Variants in TEC observed in about 807,000 individuals in gnomAD.
TEC encodes tec protein tyrosine kinase.
Under a neutral mutation model 93.0 loss-of-function variants are expected in TEC, and 72 were observed. That is an observed-to-expected ratio of 0.77 (90% CI 0.64 to 0.94). The LOEUF (loss-of-function observed/expected upper bound fraction) is 0.94. Among genes scored for constraint, TEC ranks in the 40% least tolerant of loss-of-function variants. The pLI is 0.00. For missense variants in TEC, 630 were observed against 757.9 expected, an observed-to-expected ratio of 0.83 and a Z score of 1.98; for synonymous variants, 249 against 247.7, an observed-to-expected ratio of 1.01 and a Z score of -0.05.
chr4:48,156,769 G>T, intron 8 of TEC, 35 bp from the exon 9 acceptor site: 1 of 1,534,736 alleles, frequency 6.5e-7, no homozygotes, highest in Non-Finnish European at 8.8e-7. Flanking sequence ...CAGGCCTCAG[G>T]TTTTTAGGAT....
chr4:48,179,143 A>G (rs1721451276), intron 2 of TEC, among the ~76,000 whole-genome samples: 2 of 151,850 alleles, frequency 1.3e-5, no homozygotes, highest in South Asian at 4.2e-4. Flanking sequence ...GAATGACAAA[A>G]AGACAATAGG....
intron 1 of TEC, among the ~76,000 whole-genome samples, chr4:48,245,073 T>C (rs1724017709): frequency 6.6e-6 from 1 of 152,070 alleles, no homozygotes. Context: ...GGCGGGAGTA[T>C]CACGAGGTGA....
chr4:48,159,372 AAG>A, intron 8 of TEC, among the ~76,000 whole-genome samples: 1 of 152,070 alleles, frequency 6.6e-6, no homozygotes. Flanking sequence ...AAAGCAAGAG[AAG>A]AGAGAGGCAC....
chr4:48,140,709 T>C (rs918261634), intron 15 of TEC, among the ~76,000 whole-genome samples: 1 of 152,224 alleles, frequency 6.6e-6, no homozygotes. Context: ...TTTTTTTACA[T>C]GTCATAATAT....
chr4:48,224,430 T>A (rs1560416076), intron 2 of TEC, among the ~76,000 whole-genome samples: 1 of 152,206 alleles, frequency 6.6e-6, no homozygotes, highest in Non-Finnish European at 1.5e-5. Context: ...CTTCCTTGGT[T>A]CCCACCTCAT....
At chr4:48,155,961 CACTA>C (rs1317578235) in intron 9 of TEC, 3 of 152,216 alleles carry the variant, frequency 2.0e-5, no homozygotes, top group Non-Finnish European at 4.4e-5. Context: ...CAAACTGAAG[CACTA>C]ACTATTCTCT....
At chr4:48,161,540 C>T (rs1720656623) in intron 8 of TEC, among the ~76,000 whole-genome samples, 5 of 150,644 alleles carry the variant, frequency 3.3e-5, no homozygotes, top group Admixed American at 3.3e-4. Flanking sequence ...CAGTCTGTGG[C>T]CTGGGATTCC....
At chr4:48,203,777 A>G (rs1354372454) in intron 2 of TEC, among the ~76,000 whole-genome samples, 2 of 152,328 alleles carry the variant, frequency 1.3e-5, no homozygotes, top group Non-Finnish European at 2.9e-5. Flanking sequence ...CTACACTGAG[A>G]TGTCTAAAAT....
chr4:48,201,952 ATTTTTTT>A (rs780630248), intron 2 of TEC, among the ~76,000 whole-genome samples: 1 of 116,528 alleles, frequency 8.6e-6, no homozygotes, highest in Non-Finnish European at 1.8e-5. Flanking sequence ...ACTGTGGCTT[ATTTTTTT>A]TTTTTTTTTT....
intron 2 of TEC, among the ~76,000 whole-genome samples, chr4:48,204,460 C>A (rs1301302876): frequency 6.6e-6 from 1 of 152,206 alleles, no homozygotes; most frequent in Non-Finnish European, 1.5e-5. Context: ...ACCTGGTTTC[C>A]TCCAGACTTC....
At chr4:48,207,698 GGATCACCT>G in intron 2 of TEC, among the ~76,000 whole-genome samples, 1 of 152,082 alleles carries the variant, frequency 6.6e-6, no homozygotes, top group East Asian at 1.9e-4. Flanking sequence ...TGAGGTGGGA[GGATCACCT>G]GAGCCCGAAA....
chr4:48,161,166 T>C (rs1329305579), intron 8 of TEC, among the ~76,000 whole-genome samples: 1 of 152,152 alleles, frequency 6.6e-6, no homozygotes, highest in African/African-American at 2.4e-5. Flanking sequence ...TTGGTGAGAA[T>C]GGGTGAGAAT....
At chr4:48,145,659 A>G in intron 12 of TEC, 80 bp from the exon 13 acceptor site, 2 of 1,403,478 alleles carry the variant, frequency 1.4e-6, no homozygotes, top group Non-Finnish European at 2.0e-6. Context: ...AAGAACCTAC[A>G]ACCAAGATCA....
At chr4:48,168,805 T>C (rs1454521416) in intron 5 of TEC, among the ~76,000 whole-genome samples, 179 bp from the exon 6 acceptor site, 2 of 152,214 alleles carry the variant, frequency 1.3e-5, no homozygotes, top group African/African-American at 4.8e-5. Flanking sequence ...AAACTGCTAT[T>C]ATAGCTGGTT....
intron 1 of TEC, among the ~76,000 whole-genome samples, chr4:48,265,660 G>T (rs1577679588): frequency 6.6e-6 from 1 of 151,634 alleles, no homozygotes; most frequent in Non-Finnish European, 1.5e-5. Flanking sequence ...TTACAGGGGT[G>T]AGCCACCACG....
At chr4:48,252,099 T>C (rs1321815559) in intron 1 of TEC, among the ~76,000 whole-genome samples, 3 of 152,312 alleles carry the variant, frequency 2.0e-5, no homozygotes, top group South Asian at 4.1e-4. Context: ...AATGGAAGCT[T>C]TGCTCTGCTC....
intron 2 of TEC, among the ~76,000 whole-genome samples, chr4:48,192,154 T>C (rs989524936): frequency 6.6e-6 from 1 of 152,178 alleles, no homozygotes; most frequent in African/African-American, 2.4e-5. Context: ...AGCCATACAA[T>C]GGAGTACTTC....
At chr4:48,146,945 C>T (rs569966454) in intron 11 of TEC, among the ~76,000 whole-genome samples, 11 of 152,150 alleles carry the variant, frequency 7.2e-5, no homozygotes, top group East Asian at 5.8e-4. Context: ...AATTTAAAAT[C>T]GTTATGTACT....
At chr4:48,151,160 A>G (rs1299312787) in intron 9 of TEC, among the ~76,000 whole-genome samples, 1 of 152,204 alleles carries the variant, frequency 6.6e-6, no homozygotes, top group Non-Finnish European at 1.5e-5. Context: ...AGTTAAGGAA[A>G]TCACACTCAA....
Sources: gnomAD v4.1 joint callset for allele counts (sites outside exome capture counted in the v4.1 genomes callset) on GRCh38, gnomAD v4.1.1 for gene constraint, MANE v1.5 for transcripts, NCBI Gene and HGNC (gene_info 2026-07-23, HGNC 2026-07-21) for gene names.